The following IRAK1BP1 variants were observed in gnomAD, a reference collection of about 807,000 sequenced individuals.
IRAK1BP1 encodes interleukin-1 receptor-associated kinase 1-binding protein 1.
IRAK1BP1 carries 24 observed loss-of-function variants against 28.0 expected under a neutral mutation model. That is an observed-to-expected ratio of 0.86 (90% CI 0.62 to 1.20). The LOEUF (loss-of-function observed/expected upper bound fraction) is 1.20. IRAK1BP1 is among the 50% of genes most tolerant of loss of function. The pLI, the probability that IRAK1BP1 is intolerant of heterozygous loss-of-function variation, is 0.00. For missense variants in IRAK1BP1, 336 were observed against 316.7 expected (o/e 1.06, Z -0.46); for synonymous variants, 131 against 116.3 (o/e 1.13, Z -0.81).
the IRAK1BP1 span, chr6:78,969,978 CA>C: frequency 6.3e-7 from 1 of 1,586,766 alleles, no homozygotes; most frequent in Non-Finnish European, 8.6e-7. Flanking sequence ...AAAAGATGTT[CA>C]AATGTATCTG....
At chr6:78,909,561 A>G (rs1228026038) in intron 4 of IRAK1BP1, among the ~76,000 whole-genome samples, 1 of 152,230 alleles carries the variant, frequency 6.6e-6, no homozygotes, top group Non-Finnish European at 1.5e-5. Flanking sequence ...GGGCATGACA[A>G]ATGCAGAATT....
chr6:78,896,865 A>G (rs1371499363), intron 2 of IRAK1BP1, among the ~76,000 whole-genome samples: 2 of 151,638 alleles, frequency 1.3e-5, no homozygotes, highest in Admixed American at 6.6e-5. Flanking sequence ...GATGTTCTGC[A>G]TTGTATAAGG....
the IRAK1BP1 span, among the ~76,000 whole-genome samples, chr6:78,972,980 CA>C: frequency 0.26 from 39,944 of 151,966 alleles, 5,588 homozygotes; most frequent in Non-Finnish European, 0.31. Context: ...AGAATTTCCC[CA>C]ATCTAGCAAG....
chr6:78,966,400 C>T, the IRAK1BP1 span, among the ~76,000 whole-genome samples: 9 of 152,040 alleles, frequency 5.9e-5, no homozygotes, highest in East Asian at 1.9e-4. Flanking sequence ...ATTATAATTG[C>T]GGCAAGTTCC....
At chr6:78,941,522 C>CA (rs1773500850) in intron 4 of IRAK1BP1, among the ~76,000 whole-genome samples, 1 of 147,482 alleles carries the variant, frequency 6.8e-6, no homozygotes, top group Admixed American at 6.8e-5. Flanking sequence ...TTAAAAGAGA[C>CA]AGATTCTTAA....
chr6:78,920,384 C>T (rs1772691141), intron 4 of IRAK1BP1, among the ~76,000 whole-genome samples: 1 of 152,162 alleles, frequency 6.6e-6, no homozygotes, highest in Non-Finnish European at 1.5e-5. Context: ...TGACTTCAAA[C>T]AAGGCTACAG....
chr6:78,893,274 ATATATATGTGTG>A (rs1281324340), intron 2 of IRAK1BP1, among the ~76,000 whole-genome samples: 1,357 of 116,188 alleles, frequency 0.012, 10 homozygotes, highest in South Asian at 0.031. Flanking sequence ...TAAAAGGTGT[ATATATATGTGTG>A]TATATATGTG....
chr6:78,890,549 GAACAAC>G (rs976430739), intron 2 of IRAK1BP1, among the ~76,000 whole-genome samples: 1 of 152,012 alleles, frequency 6.6e-6, no homozygotes, highest in Non-Finnish European at 1.5e-5. Flanking sequence ...CCAGCGCAAT[GAACAAC>G]AACAACAACA....
downstream of IRAK1BP1, among the ~76,000 whole-genome samples, chr6:78,949,122 G>GATAT (rs1420588955): frequency 2.0e-5 from 3 of 152,158 alleles, no homozygotes; most frequent in Non-Finnish European, 4.4e-5. Context: ...AGCTGTAGAT[G>GATAT]TACTTTTTAT....
chr6:78,871,831 G>A (rs1408841716), intron 1 of IRAK1BP1: 4 of 414,286 alleles, frequency 9.7e-6, no homozygotes, highest in Non-Finnish European at 1.3e-5. Context: ...TTTAGGTAGG[G>A]AAGATGTCAC....
At chr6:78,919,980 G>T (rs1360430333) in intron 4 of IRAK1BP1, among the ~76,000 whole-genome samples, 2 of 152,176 alleles carry the variant, frequency 1.3e-5, no homozygotes, top group African/African-American at 2.4e-5. Flanking sequence ...TTTTGGTGGG[G>T]CGTGGTGGCT....
At chr6:78,869,972 G>T (rs868284183) in intron 1 of IRAK1BP1, among the ~76,000 whole-genome samples, 5 of 152,010 alleles carry the variant, frequency 3.3e-5, no homozygotes, top group Admixed American at 6.5e-5. Context: ...AGCCAAGCAT[G>T]GTGGTGCATG....
At chr6:78,954,143 C>G in the IRAK1BP1 span, among the ~76,000 whole-genome samples, 17 of 152,130 alleles carry the variant, frequency 1.1e-4, no homozygotes, top group Admixed American at 1.1e-3. Flanking sequence ...GCTCTGTCGC[C>G]CAGGCTGGAG....
chr6:78,969,974 T>G, the IRAK1BP1 span: 2 of 1,580,168 alleles, frequency 1.3e-6, no homozygotes, highest in Non-Finnish European at 1.7e-6. Context: ...ACCTAAAAGA[T>G]GTTCAAATGT....
intron 4 of IRAK1BP1, among the ~76,000 whole-genome samples, chr6:78,919,818 C>A (rs1772670375): frequency 6.6e-6 from 1 of 152,216 alleles, no homozygotes; most frequent in Middle Eastern, 3.4e-3. Context: ...AGGGACTCCT[C>A]CCTGACTCAT....
rs201414072 is a variant in IRAK1BP1 at position 78,927,261 on chromosome 6, C to T, written c.*68-18147C>T. ...CATTTTAACTGGGGTGAGATGATAT[C>T]CCATCGTAGTTTTGATTTGCATTTC... On this transcript the variant is annotated intron_variant and NMD_transcript_variant, in intron 4 of 4. Coordinates refer to the IRAK1BP1 transcript ENST00000606868. Among the ~76,000 whole-genome samples, 4 of 152,254 alleles carry T rather than the reference C, an allele frequency of 2.6e-5. No homozygotes were observed. In the East Asian group the frequency reaches 5.8e-4, roughly 22 times the overall value.
chr6:78,955,760 A>G, the IRAK1BP1 span: 6 of 560,654 alleles, frequency 1.1e-5, no homozygotes, highest in South Asian at 7.9e-5. Context: ...TCGTAAAACC[A>G]TATTTTAAGG....
rs770783743 is a variant in IRAK1BP1, at chr6:78,867,785, T to G, written c.209T>G (p.Val70Gly). The G allele has an allele frequency of 6.2e-7, 1 of 1,613,790 alleles. No homozygotes were observed. Among genetic ancestry groups the G allele is most frequent in the South Asian group, 1.1e-5 (1 of 91,062 alleles). Residue 70 changes from valine to glycine, a missense_variant, in exon 1 of 4, where the codon GTG becomes GGG. By Grantham distance (109) the Val-to-Gly change is moderately radical. Transcript: ENST00000369940. The part of the protein sequence containing the change: ...EVSAGPDRAQ[V>G]VVRVSSTKEA... The stretch of plus-strand genomic sequence containing the variant: ...TCTGCGGGCCCTGACCGGGCGCAGG[T>G]GGTGGTGCGAGTGAGCAGCACCAAG...
the IRAK1BP1 span, among the ~76,000 whole-genome samples, chr6:78,967,064 A>C: frequency 6.6e-6 from 1 of 152,222 alleles, no homozygotes. Flanking sequence ...AATCTGAATC[A>C]GTTTTATTTT....
Sources: gnomAD v4.1 joint callset for allele counts (sites outside exome capture counted in the v4.1 genomes callset) on GRCh38, gnomAD v4.1.1 for gene constraint, MANE v1.5 for transcripts, NCBI Gene and HGNC (gene_info 2026-07-23, HGNC 2026-07-21) for gene names.